SBF2: variants seen among roughly 807,000 people sequenced by gnomAD.
SBF2 encodes SET binding factor 2, also known as myotubularin-related protein 13.
In SBF2, 112 loss-of-function variants were observed where a neutral mutation model predicts 225.2. The ratio of observed to expected loss-of-function variants is 0.50; its 90% CI spans 0.43 to 0.58. The LOEUF is 0.58. SBF2 is among the 20% of genes least tolerant of loss of function. The pLI, the probability that SBF2 is intolerant of heterozygous loss-of-function variation, is 0.00. For synonymous variants in SBF2, 763 were observed against 773.3 expected (o/e 0.99, Z 0.22); for missense variants, 1,996 against 2,206.2 (o/e 0.90, Z 1.91).
chr11:9,994,587 T>C (rs1344856604), intron 9 of SBF2, among the ~76,000 whole-genome samples: 1 of 149,796 alleles, frequency 6.7e-6, no homozygotes, highest in Non-Finnish European at 1.5e-5. Flanking sequence ...CATATATATA[T>C]ATATATGAAA....
intron 16 of SBF2, among the ~76,000 whole-genome samples, chr11:9,935,198 T>C (rs574100958): frequency 4.0e-4 from 61 of 152,194 alleles, no homozygotes; most frequent in Admixed American, 9.2e-4. Flanking sequence ...TGAACTCCCA[T>C]TCACAATTGC....
chr11:9,998,326 A>G lies in SBF2; in HGVS notation c.915T>C (p.Cys305=). 6.2e-7 allele frequency: 1 copy of G among 1,610,074 alleles called. No individual in the cohort carries two copies. Among genetic ancestry groups the G allele is most frequent in the Non-Finnish European group, 8.5e-7 (1 of 1,176,564 alleles). Residue 305 remains cysteine (C), a synonymous_variant, in exon 9 of 40, where the codon TGT becomes TGC. Coordinates refer to ENST00000256190, the MANE Select transcript of SBF2 (RefSeq NM_030962.4). ...GTTCTGGGAGGGAAGAGAGGTGAAT[A>G]CATTCGGGAATTTTAATAGTGCCTC... ...LDGGTIKIPE[C]IHLSSLPEPL...
chr11:9,883,950 T>C (rs1478668646), intron 17 of SBF2, among the ~76,000 whole-genome samples: 3 of 152,188 alleles, frequency 2.0e-5, no homozygotes, highest in African/African-American at 7.2e-5. Context: ...AAGTATGACA[T>C]TAAGCTGTAT....
At chr11:10,257,787 A>T (rs2135503795) in intron 1 of SBF2, among the ~76,000 whole-genome samples, 1 of 151,818 alleles carries the variant, frequency 6.6e-6, no homozygotes. Context: ...ACTTGAGCCC[A>T]GGAATACGAG....
chr11:9,940,642 T>C (rs975541021), intron 16 of SBF2, among the ~76,000 whole-genome samples: 6 of 152,176 alleles, frequency 3.9e-5, no homozygotes, highest in Non-Finnish European at 8.8e-5. Flanking sequence ...ACACATTACT[T>C]GGCCTGAAAG....
At chr11:10,273,040 A>C (rs1962647285) in intron 1 of SBF2, among the ~76,000 whole-genome samples, 1 of 151,974 alleles carries the variant, frequency 6.6e-6, no homozygotes, top group Non-Finnish European at 1.5e-5. Context: ...ACTGCACTCC[A>C]GCCTGGGTGA....
chr11:9,993,162 A>C, intron 10 of SBF2, 59 bp from the exon 11 acceptor site: 2 of 1,290,560 alleles, frequency 1.5e-6, no homozygotes, highest in Non-Finnish European at 2.2e-6. Flanking sequence ...ATGAAATATC[A>C]AGTCAAAAAG....
chr11:9,967,043 A>C (rs1480835360), intron 14 of SBF2, among the ~76,000 whole-genome samples: 16 of 152,218 alleles, frequency 1.1e-4, no homozygotes. Context: ...CCAATGTGAT[A>C]TATATCCAAA....
At chr11:9,935,117 A>G (rs941405265) in intron 16 of SBF2, among the ~76,000 whole-genome samples, 2 of 152,230 alleles carry the variant, frequency 1.3e-5, no homozygotes, top group Non-Finnish European at 2.9e-5. Context: ...GTCTCAGGAT[A>G]CAAAATCGAT....
intron 16 of SBF2, among the ~76,000 whole-genome samples, chr11:9,913,868 G>A (rs1208132720): frequency 6.6e-6 from 1 of 152,148 alleles, no homozygotes; most frequent in Non-Finnish European, 1.5e-5. Flanking sequence ...GGTTGTTGTT[G>A]TTGCTGTTGT....
intron 1 of SBF2, among the ~76,000 whole-genome samples, chr11:10,258,671 G>GGGT (rs1315466674): frequency 1.3e-5 from 2 of 152,192 alleles, no homozygotes; most frequent in Non-Finnish European, 2.9e-5. Context: ...GCCACGCTGA[G>GGGT]GGCCAGTGAC....
chr11:9,836,949 T>C (rs1457199586), intron 26 of SBF2, among the ~76,000 whole-genome samples: 1 of 152,210 alleles, frequency 6.6e-6, no homozygotes, highest in Admixed American at 6.5e-5. Flanking sequence ...ATCAGTGACC[T>C]TGTACTAAAT....
In SBF2 at chr11:9,797,972, C is replaced by CTGAA. The variant is rs567677083; in HGVS notation, c.4444-2019_4444-2016dup. 2.3e-3 allele frequency among the ~76,000 whole-genome samples: 351 copies of CTGAA among 151,760 alleles called. 2 individuals carry two copies. The highest frequency in any genetic ancestry group is 3.8e-3 in the Non-Finnish European group (256 of 67,928). ...TGGGTGACAGAGTGAGACCCTGTCT[C>CTGAA]TGAATGAATGAATGAATGAATGAAT... On this transcript the variant is annotated intron_variant, in intron 32 of 39. Transcript: ENST00000256190.
chr11:10,150,156 ACTAT>A (rs938615633), intron 2 of SBF2, among the ~76,000 whole-genome samples: 4 of 152,080 alleles, frequency 2.6e-5, no homozygotes, highest in Admixed American at 2.0e-4. Flanking sequence ...AAAATCCAAA[ACTAT>A]CTATCATTTC....
rs1265367504 is a variant in SBF2, at chr11:9,896,011, C to T, written c.1861G>A (p.Asp621Asn). 6.2e-7 allele frequency: 1 copy of T among 1,611,562 alleles called. No individual in the cohort carries two copies. Among genetic ancestry groups the T allele is most frequent in the African/African-American group, 1.3e-5 (1 of 74,832 alleles). ...IIRMMNCTLQ[D>N]CSSLEEYNIA... ...TTGTATTCTTCTAAACTTGAACAAT[C>T]CTTTAAGCAAAACAAAGACAAAAGA... The change falls in exon 17 of 40, where the codon GAT (aspartate) becomes AAT (asparagine). Residue 621 changes from aspartate to asparagine, a missense_variant and splice_region_variant. Coordinates refer to ENST00000256190, the MANE Select transcript of SBF2 (RefSeq NM_030962.4).
At chr11:9,908,843 C>T (rs748071710) in intron 16 of SBF2, among the ~76,000 whole-genome samples, 6 of 128,150 alleles carry the variant, frequency 4.7e-5, no homozygotes, top group Non-Finnish European at 6.3e-5. Context: ...TGCCACTGCG[C>T]ATGGCTAATT....
intron 17 of SBF2, among the ~76,000 whole-genome samples, chr11:9,888,958 A>G (rs769423472): frequency 9.2e-5 from 14 of 152,330 alleles, no homozygotes; most frequent in African/African-American, 2.6e-4. Flanking sequence ...AGTTCAGTAA[A>G]TATTAGCTCT....
chr11:10,015,643 G>C (rs777438609), intron 6 of SBF2, among the ~76,000 whole-genome samples: 4 of 152,180 alleles, frequency 2.6e-5, no homozygotes, highest in Admixed American at 6.5e-5. Context: ...ATTAGTTAAG[G>C]AGAAAAGAAA....
intron 28 of SBF2, among the ~76,000 whole-genome samples, chr11:9,822,745 G>A (rs1432862585): frequency 3.3e-5 from 5 of 152,156 alleles, no homozygotes; most frequent in Non-Finnish European, 5.9e-5. Flanking sequence ...CTGTTCTGAC[G>A]AAAGGGGAGA....
Sources: allele counts gnomAD v4.1 joint callset (sites outside exome capture counted in the v4.1 genomes callset), GRCh38; gene constraint gnomAD v4.1.1; transcripts MANE v1.5; gene names NCBI Gene and HGNC (gene_info 2026-07-23, HGNC 2026-07-21).